AKAP12: variants seen among roughly 807,000 people sequenced by gnomAD.
AKAP12 encodes the protein A-kinase anchoring protein 12, also known as A-kinase anchor protein 12.
AKAP12 carries 32 observed loss-of-function variants against 79.9 expected under a neutral mutation model. The ratio of observed to expected loss-of-function variants is 0.40; its 90% CI spans 0.30 to 0.54. The LOEUF is 0.54. AKAP12 is among the 20% of genes least tolerant of loss of function. AKAP12 has a pLI of 0.48. For missense variants in AKAP12, 2,074 were observed against 2,177.0 expected (o/e 0.95, Z 0.94); for synonymous variants, 808 against 857.0 (o/e 0.94, Z 1.00).
At chr6:151,310,653 T>C (rs551258283) in intron 3 of AKAP12, among the ~76,000 whole-genome samples, 2 of 152,278 alleles carry the variant, frequency 1.3e-5, no homozygotes, top group African/African-American at 4.8e-5. Context: ...GATTTTTTTT[T>C]CCCCGAACAG....
At chr6:151,252,484 C>T (rs1797200076) in intron 2 of AKAP12, among the ~76,000 whole-genome samples, 1 of 151,940 alleles carries the variant, frequency 6.6e-6, no homozygotes, top group Non-Finnish European at 1.5e-5. Flanking sequence ...GCATGAGCCA[C>T]CGTGCCTGGC....
chr6:151,353,039 G>A lies in AKAP12; in HGVS notation c.4648G>A (p.Val1550Ile). Reference sequence around the variant, plus strand: ...ACTTGAGACCAAAAGCAGTAAACTTGTCCAAAACATCATCCAGACAGCCGT... The same window carrying A: ...ACTTGAGACCAAAAGCAGTAAACTTATCCAAAACATCATCCAGACAGCCGT... ...LELETKSSKL[V>I]QNIIQTAVDQ... The change falls in exon 4 of 5, where the codon GTC (valine) becomes ATC (isoleucine). Residue 1550 changes from valine (V) to isoleucine (I), a missense_variant. Physicochemically the swap from Val to Ile is conservative, Grantham distance 29. This residue lies in a region of AKAP12 where 614 missense variants were observed against 665.6 expected (regional missense o/e 0.92). Coordinates refer to ENST00000402676, the MANE Select transcript of AKAP12 (RefSeq NM_005100.4). The A allele has an allele frequency of 6.2e-7, 1 of 1,614,184 alleles. No homozygotes were observed. Among genetic ancestry groups the A allele is most frequent in the South Asian group, 1.1e-5 (1 of 91,074 alleles).
chr6:151,341,599 C>G, intron 3 of AKAP12: 2 of 695,156 alleles, frequency 2.9e-6, no homozygotes, highest in South Asian at 5.6e-5. Context: ...TGGCAGCCGG[C>G]AGGGGCGCGC....
chr6:151,252,214 T>C (rs1222477515), intron 2 of AKAP12, among the ~76,000 whole-genome samples: 6 of 151,476 alleles, frequency 4.0e-5, no homozygotes, highest in Admixed American at 6.6e-5. Flanking sequence ...TTTTTTTTTT[T>C]CTGAGATGGA....
At position 151,296,973 on chromosome 6, in the gene AKAP12, A is replaced by G. The variant is rs76741621; in HGVS notation, c.163-8774A>G. On this transcript the variant is annotated intron_variant, in intron 2 of 4. Transcript: ENST00000402676. ...TTTTCAGCCTACTTCTAGAAATTTA[A>G]ATATACATTGGAAAATATATTGTAT... Among the ~76,000 whole-genome samples the G allele has an allele frequency of 3.3e-5, 5 of 151,980 alleles. No homozygotes were observed. The East Asian group carries it at 9.7e-4, about 29-fold the overall frequency.
chr6:151,325,741 G>A (rs976971435), intron 3 of AKAP12: 3 of 1,558,906 alleles, frequency 1.9e-6, no homozygotes, highest in South Asian at 1.2e-5. Context: ...GTGTCTGGGC[G>A]CTCAGTCCGC....
At position 151,350,166 on chromosome 6, in the gene AKAP12, C is replaced by A. The variant is rs375298142; in HGVS notation, c.1775C>A (p.Ala592Asp). 2 of 1,613,726 alleles carry A rather than the reference C, an allele frequency of 1.2e-6. No homozygotes were observed. The highest frequency in any genetic ancestry group is 4.5e-5 in the East Asian group (2 of 44,822). Residue 592 changes from alanine (A) to aspartate (D), a missense_variant, in exon 4 of 5, where the codon GCT (alanine) becomes GAT (aspartate). Physicochemically the swap from Ala to Asp is moderately radical, Grantham distance 126 (BLOSUM62 -2). Coordinates refer to ENST00000402676, the MANE Select transcript of AKAP12 (RefSeq NM_005100.4). This position sits in a 1 kb window ranked among gnomAD's most constrained non-coding sequence, Gnocchi z 4.8. ...GLAEVQQDGE[A>D]EEGATSDGEK... ...GCCGAGGTGCAGCAGGATGGGGAAGCTGAAGAAGGAGCTACTTCCGATGGA... is the reference window on the plus strand; with the variant it reads ...GCCGAGGTGCAGCAGGATGGGGAAGATGAAGAAGGAGCTACTTCCGATGGA...
intron 2 of AKAP12, among the ~76,000 whole-genome samples, chr6:151,259,579 C>CTT (rs35514304): frequency 5.8e-5 from 6 of 102,830 alleles, no homozygotes; most frequent in South Asian, 2.9e-4. Context: ...CCTTTTTTTC[C>CTT]TTTTTTTTTT....
Position 151,252,734 on chromosome 6 carries a change from A to G in AKAP12, c.162+12010A>G, listed in dbSNP as rs867919797. Reference sequence around the variant, plus strand: ...GATACCAAGACCCCTGTCTCTGGGAAAAAAAAAAAAAAAAAAAAAAGATGA... The same window carrying G: ...GATACCAAGACCCCTGTCTCTGGGAGAAAAAAAAAAAAAAAAAAAAGATGA... On this transcript the variant is annotated intron_variant, in intron 2 of 4. Coordinates refer to ENST00000402676, the MANE Select transcript of AKAP12 (RefSeq NM_005100.4). Among the ~76,000 whole-genome samples the G allele has an allele frequency of 1.4e-3, 198 of 138,334 alleles. 2 individuals carry two copies. The highest frequency in any genetic ancestry group is 5.6e-3 in the African/African-American group (184 of 32,686). 90.8% of individuals were successfully genotyped at this position (138,334 alleles called of 152,430 possible).
chr6:151,259,336 G>T (rs951115591), intron 2 of AKAP12, among the ~76,000 whole-genome samples: 4 of 151,140 alleles, frequency 2.6e-5, no homozygotes, highest in Non-Finnish European at 4.4e-5. Flanking sequence ...GTGAGCCACG[G>T]CGCCCGGCCT....
intron 2 of AKAP12, among the ~76,000 whole-genome samples, chr6:151,270,901 C>G (rs1321874428): frequency 6.6e-6 from 1 of 152,126 alleles, no homozygotes; most frequent in South Asian, 2.1e-4. Context: ...ATGATGAATC[C>G]AAGTGAGCAT....
chr6:151,351,133 A>G lies in AKAP12; in HGVS notation c.2742A>G (p.Ile914Met). ...TIIEERSPSWISASVTEPLEQ... is the reference protein window; with the variant it reads ...TIIEERSPSWMSASVTEPLEQ... ...TTGAAGAAAGGTCTCCTTCTTGGAT[A>G]TCTGCTTCAGTGACAGAACCTCTTG... Residue 914 changes from isoleucine (I) to methionine (M), a missense_variant, in exon 4 of 5, where the codon ATA becomes ATG. Physicochemically the swap from Ile to Met is conservative, Grantham distance 10. Around this residue, in one of 3 missense-constraint regions of AKAP12, gnomAD observed 1,428 missense variants for 1,451.0 expected, o/e 0.98. Transcript: ENST00000402676. This position sits in a 1 kb window ranked among gnomAD's most constrained non-coding sequence, Gnocchi z 4.4. The G allele has an allele frequency of 6.2e-7, 1 of 1,614,254 alleles. No individual in the cohort carries two copies. Among genetic ancestry groups the G allele is most frequent in the Non-Finnish European group, 8.5e-7 (1 of 1,180,052 alleles).
chr6:151,257,340 A>G (rs1010626825), intron 2 of AKAP12, among the ~76,000 whole-genome samples: 5 of 152,142 alleles, frequency 3.3e-5, no homozygotes, highest in African/African-American at 1.2e-4. Flanking sequence ...TCTGTCGCCC[A>G]GGCTGGAGTG....
rs767240986 is a variant in AKAP12 at position 151,352,466 on chromosome 6, G to A, written c.4075G>A (p.Glu1359Lys). 14 of 1,614,070 alleles carry A rather than the reference G, an allele frequency of 8.7e-6. No homozygotes were observed. Among genetic ancestry groups the A allele is most frequent in the Non-Finnish European group, 1.2e-5 (14 of 1,180,046 alleles). The change falls in exon 4 of 5, where the codon GAG (glutamate) becomes AAG (lysine). Residue 1359 changes from glutamate (E) to lysine (K), a missense_variant. Around this residue, in one of 3 missense-constraint regions of AKAP12, gnomAD observed 614 missense variants for 665.6 expected, o/e 0.92. Transcript: ENST00000402676. ...AACCCATGTGAATGAAGAGAAGCTT[G>A]AGCACGAAACAGCTGTTACCGTATC... The part of the protein sequence containing the change: ...EPTHVNEEKL[E>K]HETAVTVSEE...
At chr6:151,324,594 T>A in intron 3 of AKAP12, 9 of 985,398 alleles carry the variant, frequency 9.1e-6, no homozygotes, top group Non-Finnish European at 1.1e-5. Flanking sequence ...ATCTTCATTC[T>A]CTGAAGAGAA....
Position 151,352,399 on chromosome 6 carries a change from G to C in AKAP12, c.4008G>C (p.Glu1336Asp). The change falls in exon 4 of 5, where the codon GAG becomes GAC. Residue 1336 changes from glutamate to aspartate, a missense_variant. Physicochemically the swap from Glu to Asp is conservative, Grantham distance 45 (BLOSUM62 2). Around this residue, in one of 3 missense-constraint regions of AKAP12, gnomAD observed 614 missense variants for 665.6 expected, o/e 0.92. Transcript: ENST00000402676. ...CTCCTCCATCCCCCGTGGAGAGAGA[G>C]ATGGTAGTTCAAGTCGAAAGGGAGA... Reference protein sequence around the residue: ...AKSPPSPVEREMVVQVEREKT... With the variant: ...AKSPPSPVERDMVVQVEREKT... 6.2e-7 allele frequency: 1 copy of C among 1,614,202 alleles called. No individual in the cohort carries two copies. The highest frequency in any genetic ancestry group is 2.2e-5 in the East Asian group (1 of 44,884).
intron 3 of AKAP12, among the ~76,000 whole-genome samples, chr6:151,336,164 A>G (rs1777809223): frequency 6.6e-6 from 1 of 152,154 alleles, no homozygotes; most frequent in Non-Finnish European, 1.5e-5. Context: ...TATCCAGTCA[A>G]ACTTTGATGG....
At chr6:151,328,725 T>C (rs1259184888) in intron 3 of AKAP12, among the ~76,000 whole-genome samples, 1 of 152,158 alleles carries the variant, frequency 6.6e-6, no homozygotes, top group Non-Finnish European at 1.5e-5. Flanking sequence ...TTAAATACTA[T>C]AGAAGGTTAT....
rs1477382855 is a variant in AKAP12, at chr6:151,349,936, A to G, written c.1545A>G (p.Pro515=). Residue 515 remains proline (P), a synonymous_variant, in exon 4 of 5, where the codon CCA becomes CCG. Coordinates refer to ENST00000402676, the MANE Select transcript of AKAP12 (RefSeq NM_005100.4). The stretch of plus-strand genomic sequence containing the variant: ...AGAGAATGAAGGTGCAGGGAAGTCC[A>G]CTAAAGAAGCTTTTTACCAGCACTG... ...SQERMKVQGS[P]LKKLFTSTGL... is the part of the protein sequence containing the mutation. 3 of 1,614,070 alleles carry G rather than the reference A, an allele frequency of 1.9e-6. No homozygotes were observed. The highest frequency in any genetic ancestry group is 2.7e-5 in the African/African-American group (2 of 74,916).
Sources: gnomAD v4.1 joint callset for allele counts (sites outside exome capture counted in the v4.1 genomes callset) on GRCh38, gnomAD v4.1.1 for gene constraint, gnomAD v4.1.1 regional missense constraint, Gnocchi (gnomAD v3.1) non-coding constraint, MANE v1.5 for transcripts, NCBI Gene and HGNC (gene_info 2026-07-23, HGNC 2026-07-21) for gene names.